The following COL24A1 variants were observed in gnomAD, a reference collection of about 807,000 sequenced individuals.
The protein encoded by COL24A1 is collagen alpha-1(XXIV) chain.
COL24A1 carries 224 observed loss-of-function variants against 253.9 expected under a neutral mutation model. The ratio of observed to expected loss-of-function variants is 0.88; its 90% CI spans 0.79 to 0.99. The LOEUF (loss-of-function observed/expected upper bound fraction) is 0.99. Ranked by LOEUF, COL24A1 falls within the 50% of genes least tolerant of loss-of-function variation. COL24A1 has a pLI of 0.00. For missense variants in COL24A1, 2,131 were observed against 2,068.5 expected (o/e 1.03, Z -0.59); for synonymous variants, 685 against 673.7 (o/e 1.02, Z -0.26).
chr1:85,964,998 A>T lies in COL24A1; in HGVS notation c.2517+11T>A, dbSNP rs1176715416. The T allele has an allele frequency of 6.2e-7, 1 of 1,603,172 alleles. No homozygotes were observed. The highest frequency in any genetic ancestry group is 1.1e-5 in the South Asian group (1 of 89,088). Reference sequence around the variant, plus strand: ...ATATTTTAAAACTGATAATAAAGTCAGTTGCTTTACCTTTAAGCCTTCTGG... The same window carrying T: ...ATATTTTAAAACTGATAATAAAGTCTGTTGCTTTACCTTTAAGCCTTCTGG... On this transcript the variant is annotated intron_variant, in intron 23 of 59. Transcript: ENST00000370571.
chr1:85,888,262 T>G (rs866816208), intron 32 of COL24A1, among the ~76,000 whole-genome samples: 1 of 152,230 alleles, frequency 6.6e-6, no homozygotes, highest in Admixed American at 6.5e-5. Context: ...GTAATTTGAC[T>G]GATGTTTACA....
intron 48 of COL24A1, 137 bp from the exon 49 acceptor site, chr1:85,784,503 G>A: frequency 1.7e-6 from 1 of 593,944 alleles, no homozygotes; most frequent in South Asian, 2.3e-5. Flanking sequence ...AATTTTGCAT[G>A]TTCATCTTGT....
intron 53 of COL24A1, among the ~76,000 whole-genome samples, chr1:85,767,288 A>G (rs566143591): frequency 6.6e-6 from 1 of 152,144 alleles, no homozygotes; most frequent in Non-Finnish European, 1.5e-5. Context: ...ACCTCCGCGA[A>G]TGTATTACAT....
chr1:86,075,469 G>A (rs1557514106), intron 7 of COL24A1, among the ~76,000 whole-genome samples: 1 of 152,154 alleles, frequency 6.6e-6, no homozygotes, highest in African/African-American at 2.4e-5. Flanking sequence ...GAGGTACAAA[G>A]AGGAGCTGGT....
rs74505277 is a variant in COL24A1 at position 86,135,426 on chromosome 1, C to T, written c.122-9212G>A. ...GCTGGTTATTTTGCTCATTAGTTTACGATTTTCTTCTTTAAAAATTCGTAT... is the reference window on the plus strand; with the variant it reads ...GCTGGTTATTTTGCTCATTAGTTTATGATTTTCTTCTTTAAAAATTCGTAT... On this transcript the variant is annotated intron_variant, in intron 2 of 59. Transcript: ENST00000370571. 1.1e-3 allele frequency among the ~76,000 whole-genome samples: 165 copies of T among 151,808 alleles called. 3 individuals are homozygous for T. The East Asian group carries it at 0.027, about 24-fold the overall frequency.
At position 85,993,213 on chromosome 1, in the gene COL24A1, T is replaced by C. The variant is rs80246128; in HGVS notation, c.2311-5559A>G. On this transcript the variant is annotated intron_variant, in intron 19 of 59. Transcript: ENST00000370571. ...TGGAAGCTAGAGTGTCCTAACAGAA[T>C]ACATTATATTATGCGCTACATACAT... Among the ~76,000 whole-genome samples, 468 of 152,232 alleles carry C rather than the reference T, an allele frequency of 3.1e-3. 15 individuals are homozygous for C. In the East Asian group the frequency reaches 0.046, roughly 15 times the overall value.
intron 47 of COL24A1, among the ~76,000 whole-genome samples, chr1:85,788,914 G>T (rs1194595549): frequency 2.0e-5 from 3 of 152,092 alleles, no homozygotes; most frequent in Non-Finnish European, 4.4e-5. Context: ...TGGTCCGTTG[G>T]TCTATGTGTC....
intron 2 of COL24A1, among the ~76,000 whole-genome samples, chr1:86,129,497 G>C (rs545879295): frequency 7.9e-4 from 119 of 150,868 alleles, no homozygotes; most frequent in Middle Eastern, 3.4e-3. Flanking sequence ...TGAATAATTA[G>C]TCCTTTATTT....
At chr1:85,989,519 T>G (rs747493952) in intron 19 of COL24A1, among the ~76,000 whole-genome samples, 2 of 151,872 alleles carry the variant, frequency 1.3e-5, no homozygotes, top group Non-Finnish European at 2.9e-5. Context: ...CTTATTCATG[T>G]TCCTATCCCC....
intron 29 of COL24A1, 141 bp from the exon 30 acceptor site, chr1:85,896,206 T>TTTC (rs1156322612): frequency 1.7e-6 from 2 of 1,170,184 alleles, no homozygotes; most frequent in African/African-American, 3.1e-5. Flanking sequence ...TCTCTGCCTG[T>TTTC]GTAGTAAAAA....
chr1:85,739,879 T>G (rs1307240247), intron 57 of COL24A1, among the ~76,000 whole-genome samples: 2 of 152,160 alleles, frequency 1.3e-5, no homozygotes, highest in Non-Finnish European at 2.9e-5. Context: ...TACCAACAAC[T>G]GCATCTCCTC....
At chr1:85,847,634 A>T in intron 39 of COL24A1, 31 bp downstream of exon 39, 1 of 1,512,720 alleles carries the variant, frequency 6.6e-7, no homozygotes, top group Non-Finnish European at 9.2e-7. Flanking sequence ...ATCCACAGTG[A>T]CTCAATTCTG....
intron 1 of COL24A1, among the ~76,000 whole-genome samples, chr1:86,153,205 C>T (rs2102465497): frequency 6.6e-6 from 1 of 152,068 alleles, no homozygotes; most frequent in East Asian, 1.9e-4. Context: ...ATTATCCTTT[C>T]CTCCCCTACC....
chr1:85,797,435 C>A (rs1670954096), intron 47 of COL24A1, among the ~76,000 whole-genome samples: 1 of 152,018 alleles, frequency 6.6e-6, no homozygotes, highest in Admixed American at 6.6e-5. Flanking sequence ...CAGTTAAGTC[C>A]TAAAAGATCA....
At chr1:85,939,611 C>G (rs1285728273) in intron 24 of COL24A1, among the ~76,000 whole-genome samples, 1 of 152,114 alleles carries the variant, frequency 6.6e-6, no homozygotes, top group East Asian at 1.9e-4. Context: ...TGATGATTGG[C>G]TGGAGGAGAA....
At chr1:85,789,303 T>C (rs1670026267) in intron 47 of COL24A1, among the ~76,000 whole-genome samples, 1 of 152,150 alleles carries the variant, frequency 6.6e-6, no homozygotes, top group South Asian at 2.1e-4. Flanking sequence ...TCCTAGGTAT[T>C]TTATTCTCTT....
chr1:85,996,245 T>TA (rs1694776575), intron 19 of COL24A1, among the ~76,000 whole-genome samples: 1 of 152,222 alleles, frequency 6.6e-6, no homozygotes, highest in Admixed American at 6.5e-5. Context: ...TGTCCCCAGA[T>TA]AAAATCAGTG....
intron 24 of COL24A1, among the ~76,000 whole-genome samples, chr1:85,927,128 G>A (rs191243084): frequency 1.0e-3 from 156 of 152,260 alleles, no homozygotes; most frequent in Middle Eastern, 3.4e-3. Context: ...CAGCGTGAGC[G>A]ACGCAGAAGA....
intron 57 of COL24A1, among the ~76,000 whole-genome samples, chr1:85,744,208 A>T (rs1664956298): frequency 6.6e-6 from 1 of 152,130 alleles, no homozygotes; most frequent in Non-Finnish European, 1.5e-5. Flanking sequence ...GACACTTCCA[A>T]GAATGACAAA....
Sources: allele counts gnomAD v4.1 joint callset (sites outside exome capture counted in the v4.1 genomes callset), GRCh38; gene constraint gnomAD v4.1.1; transcripts MANE v1.5; gene names NCBI Gene and HGNC (gene_info 2026-07-23, HGNC 2026-07-21).